Variants in ESR1 observed in about 807,000 individuals in gnomAD.
ESR1 encodes estrogen receptor 1.
A neutral mutation model predicts 52.7 loss-of-function variants in ESR1; 12 were observed. That is an observed-to-expected ratio of 0.23 (90% CI 0.15 to 0.37). ESR1 has a LOEUF of 0.37. Ranked by LOEUF, ESR1 falls within the 10% of genes least tolerant of loss-of-function variation. The pLI is 1.00. For synonymous variants in ESR1, 305 were observed against 316.8 expected, an observed-to-expected ratio of 0.96 and a Z score of 0.39; for missense variants, 584 against 779.7, an observed-to-expected ratio of 0.75 and a Z score of 2.99.
chr6:151,828,323 A>G (rs537664027), intron 1 of ESR1, among the ~76,000 whole-genome samples: 33 of 152,336 alleles, frequency 2.2e-4, no homozygotes, highest in African/African-American at 7.9e-4. Flanking sequence ...ATAGTCTAAC[A>G]AGTATAAAAC....
rs549487650 is a variant in ESR1 at position 152,015,010 on chromosome 6, T to G, written c.1235+3216T>G. Among the ~76,000 whole-genome samples the G allele has an allele frequency of 2.6e-5, 4 of 152,256 alleles. No individual in the cohort carries two copies. In the East Asian group the frequency reaches 7.7e-4, roughly 29 times the overall value. On this transcript the variant is annotated intron_variant, in intron 5 of 7. Coordinates refer to ENST00000206249, the MANE Select transcript of ESR1 (RefSeq NM_000125.4). ...TGAACATGGGAGGCAGACGTTGCAG[T>G]GAGCCAAAATTGTGCCATTGCACTC...
At chr6:152,129,468 C>T (rs1010613877) in exon 7 of ESR1, 1 of 152,104 alleles carries the variant, frequency 6.6e-6, no homozygotes, top group Admixed American at 6.6e-5. Flanking sequence ...GCTGAGCAAA[C>T]CTTAGAGCAT....
rs190897888 is a variant in ESR1 at position 151,777,817 on chromosome 6, G to T, written c.-70-30026G>T. On this transcript the variant is annotated intron_variant, in intron 2 of 2. Coordinates refer to the ESR1 transcript ENST00000404742. Reference sequence around the variant, plus strand: ...CCTACTAAAAATACAAAAATTAGCCGGGCACGGTGGTGCATGCCTGTAACC... The same window carrying T: ...CCTACTAAAAATACAAAAATTAGCCTGGCACGGTGGTGCATGCCTGTAACC... Among the ~76,000 whole-genome samples the T allele has an allele frequency of 1.9e-3, 292 of 152,028 alleles. 1 individual carries two copies. The highest frequency in any genetic ancestry group is 0.018 in the Admixed American group (272 of 15,240).
intron 3 of ESR1, among the ~76,000 whole-genome samples, chr6:151,932,201 T>C (rs62443572): frequency 8.0e-5 from 12 of 150,540 alleles, no homozygotes; most frequent in South Asian, 2.1e-4. Flanking sequence ...CTCTGATGGC[T>C]AGTGATGATG....
chr6:152,029,617 G>T (rs9479165), intron 5 of ESR1, among the ~76,000 whole-genome samples: 42 of 152,294 alleles, frequency 2.8e-4, no homozygotes, highest in African/African-American at 9.6e-4. Flanking sequence ...AATGAACAAA[G>T]CCTCCAAGAA....
chr6:151,675,472 T>C (rs765859887), intron 1 of ESR1, among the ~76,000 whole-genome samples: 1 of 152,130 alleles, frequency 6.6e-6, no homozygotes, highest in Non-Finnish European at 1.5e-5. Context: ...TCATCTCCTT[T>C]TCCTCCTCTT....
intron 4 of ESR1, among the ~76,000 whole-genome samples, chr6:151,995,294 T>A (rs747079859): frequency 5.3e-5 from 8 of 152,168 alleles, no homozygotes; most frequent in Admixed American, 2.0e-4. Context: ...CCTATCCGTC[T>A]TTCCATCCAT....
At chr6:151,785,882 T>C (rs886472297) in intron 2 of ESR1, among the ~76,000 whole-genome samples, 8 of 152,134 alleles carry the variant, frequency 5.3e-5, no homozygotes, top group Non-Finnish European at 8.8e-5. Context: ...GTGTGTTGAG[T>C]GTGAAGGAGG....
At chr6:152,009,490 A>G (rs185168291) in intron 4 of ESR1, among the ~76,000 whole-genome samples, 299 of 152,268 alleles carry the variant, frequency 2.0e-3, no homozygotes, top group Non-Finnish European at 3.4e-3. Flanking sequence ...CTTATTAGTC[A>G]TTAGGAAAAT....
rs1328769897 is a variant in ESR1, at chr6:152,053,276, G to T, written c.1236-7715G>T. 6.6e-6 allele frequency among the ~76,000 whole-genome samples: 1 copy of T among 151,086 alleles called. No individual in the cohort carries two copies. The highest frequency in any genetic ancestry group is 1.5e-5 in the Non-Finnish European group (1 of 67,824). On this transcript the variant is annotated intron_variant, in intron 5 of 7. Transcript: ENST00000206249. The surrounding 1 kb of genome is among the most constrained non-coding windows in gnomAD (Gnocchi z 4.1). Reference sequence around the variant, plus strand: ...TGGACCTTCTGACATTCAACATCTTGGTCGCTCCTATCCAGCCACACCTCT... The same window carrying T: ...TGGACCTTCTGACATTCAACATCTTTGTCGCTCCTATCCAGCCACACCTCT...
exon 7 of ESR1, chr6:152,125,374 T>C: frequency 6.5e-7 from 1 of 1,544,800 alleles, no homozygotes; most frequent in Non-Finnish European, 8.7e-7. Context: ...GGCCTCACAG[T>C]ATCCTGCAGA....
chr6:151,835,508 T>G (rs186311364), intron 1 of ESR1, among the ~76,000 whole-genome samples: 1 of 152,200 alleles, frequency 6.6e-6, no homozygotes, highest in African/African-American at 2.4e-5. Flanking sequence ...AGTGTCTAAC[T>G]AGATGTCATG....
chr6:151,874,669 A>C (rs1043424917), intron 2 of ESR1, among the ~76,000 whole-genome samples: 1 of 152,196 alleles, frequency 6.6e-6, no homozygotes, highest in Non-Finnish European at 1.5e-5. Context: ...AGTCAGTTAC[A>C]TGACAGTTTA....
chr6:151,689,659 G>A (rs1028191851), upstream of ESR1, among the ~76,000 whole-genome samples: 6 of 152,122 alleles, frequency 3.9e-5, no homozygotes, highest in African/African-American at 1.4e-4. Context: ...TCTGTACTGG[G>A]TACTGGGACA....
chr6:151,826,080 G>T (rs1002372466), intron 1 of ESR1, among the ~76,000 whole-genome samples: 2 of 152,004 alleles, frequency 1.3e-5, no homozygotes, highest in Non-Finnish European at 2.9e-5. Context: ...TGCGGGGAGG[G>T]GGGTGGCGGG....
chr6:151,898,530 G>A (rs1292991245), intron 3 of ESR1, among the ~76,000 whole-genome samples: 1 of 151,904 alleles, frequency 6.6e-6, no homozygotes, highest in African/African-American at 2.4e-5. Context: ...GGTTTTCCTA[G>A]GCAGAGGACC....
chr6:151,901,026 C>T (rs922862744), intron 3 of ESR1, among the ~76,000 whole-genome samples: 1 of 152,214 alleles, frequency 6.6e-6, no homozygotes, highest in Non-Finnish European at 1.5e-5. Context: ...TGACCTTTGC[C>T]TTCAGCTACC....
In ESR1 at chr6:151,944,465, CAG is replaced by C; in HGVS notation, c.1054_1055del (p.Arg352GlyfsTer22). On this transcript the variant is annotated frameshift_variant, in exon 4 of 8. Transcript: ENST00000206249. LOFTEE classifies it high-confidence loss of function. ...MMGLLTNLAD[R>X]ELVHMINWAK... Reference sequence around the variant, plus strand: ...TGGGCTTACTGACCAACCTGGCAGACAGGGAGCTGGTTCACATGATCAACTGG... The same window carrying C: ...TGGGCTTACTGACCAACCTGGCAGACGGAGCTGGTTCACATGATCAACTGG... 1 of 1,614,222 alleles carries C rather than the reference CAG, an allele frequency of 6.2e-7. No homozygotes were observed. The highest frequency in any genetic ancestry group is 8.5e-7 in the Non-Finnish European group (1 of 1,180,042).
exon 7 of ESR1, chr6:152,125,510 A>G (rs2053084639): frequency 3.1e-5 from 33 of 1,058,854 alleles, no homozygotes; most frequent in Non-Finnish European, 4.2e-5. Flanking sequence ...TTTGCCTTAA[A>G]GTGTCTTAAG....
Sources: allele counts gnomAD v4.1 joint callset (sites outside exome capture counted in the v4.1 genomes callset), GRCh38; gene constraint gnomAD v4.1.1; non-coding constraint Gnocchi (gnomAD v3.1); transcripts MANE v1.5; gene names NCBI Gene and HGNC (gene_info 2026-07-23, HGNC 2026-07-21).